NCOA2: variants seen among roughly 807,000 people sequenced by gnomAD.
NCOA2 encodes the protein class E basic helix-loop-helix protein 75.
NCOA2 carries 21 observed loss-of-function variants against 145.1 expected under a neutral mutation model. The ratio of observed to expected loss-of-function variants is 0.14; its 90% confidence interval spans 0.10 to 0.21. NCOA2 has a LOEUF of 0.21. Ranked by LOEUF, NCOA2 falls within the 10% of genes least tolerant of loss-of-function variation. The pLI, the probability that NCOA2 is intolerant of heterozygous loss-of-function variation, is 1.00. For missense variants in NCOA2, 1,472 were observed against 1,837.6 expected, an observed-to-expected ratio of 0.80 and a Z score of 3.64; for synonymous variants, 619 against 637.5, an observed-to-expected ratio of 0.97 and a Z score of 0.44.
chr8:70,350,529 C>T (rs1013141267), intron 1 of NCOA2, among the ~76,000 whole-genome samples: 5 of 152,178 alleles, frequency 3.3e-5, no homozygotes, highest in African/African-American at 1.2e-4. Flanking sequence ...TGACAGTTCA[C>T]AACTGATGTT....
intron 2 of NCOA2, among the ~76,000 whole-genome samples, chr8:70,240,986 C>T (rs1036476309): frequency 6.6e-6 from 1 of 152,122 alleles, no homozygotes; most frequent in Non-Finnish European, 1.5e-5. Flanking sequence ...GTGAAAGAGG[C>T]TCTTATGTCC....
At chr8:70,409,540 C>T in the NCOA2 span, among the ~76,000 whole-genome samples, 4 of 152,186 alleles carry the variant, frequency 2.6e-5, no homozygotes, top group Non-Finnish European at 4.4e-5. Flanking sequence ...AGAATGAATT[C>T]AAGATGGATC....
chr8:70,321,548 A>G (rs1408486502), intron 1 of NCOA2, among the ~76,000 whole-genome samples: 5 of 152,040 alleles, frequency 3.3e-5, no homozygotes, highest in Non-Finnish European at 7.4e-5. Context: ...TTGAAAAAGA[A>G]ATTATTTATC....
chr8:70,144,902 T>C, intron 12 of NCOA2, 54 bp from the exon 13 acceptor site: 2 of 1,463,292 alleles, frequency 1.4e-6, no homozygotes, highest in Non-Finnish European at 1.9e-6. Context: ...TGGAAAATAA[T>C]ATTAACAGTA....
rs1325313929 is a variant in NCOA2 at position 70,166,615 on chromosome 8, C to A, written c.681G>T (p.Met227Ile). 6.2e-7 allele frequency: 1 copy of A among 1,613,998 alleles called. No individual in the cohort carries two copies. Residue 227 changes from methionine to isoleucine, a missense_variant, in exon 7 of 23, where the codon ATG becomes ATT. By Grantham distance (10) the Met-to-Ile change is conservative (BLOSUM62 1). Coordinates refer to ENST00000452400, the MANE Select transcript of NCOA2 (RefSeq NM_006540.4). ...NQEAHQKYET[M>I]QCFAVSQPKS... ...TTGGTTGAGAGACAGCGAAGCACTG[C>A]ATAGTTTCATATTTCTGATGAGCTT... is the stretch of plus-strand genomic sequence containing the variant.
chr8:70,251,930 C>T (rs1466675620), intron 2 of NCOA2, among the ~76,000 whole-genome samples: 2 of 152,126 alleles, frequency 1.3e-5, no homozygotes, highest in East Asian at 1.9e-4. Flanking sequence ...GTTCCAGGAC[C>T]TCCCATGGAT....
intron 1 of NCOA2, among the ~76,000 whole-genome samples, chr8:70,395,834 G>C (rs1453433247): frequency 2.6e-5 from 4 of 152,116 alleles, no homozygotes; most frequent in Non-Finnish European, 5.9e-5. Flanking sequence ...AAGGTTTTGG[G>C]TCATATTTCA....
intron 1 of NCOA2, among the ~76,000 whole-genome samples, chr8:70,371,867 G>C (rs1004534311): frequency 6.6e-6 from 1 of 152,142 alleles, no homozygotes; most frequent in Non-Finnish European, 1.5e-5. Flanking sequence ...TTTAAAAACT[G>C]TAAGTTTTTA....
At chr8:70,388,291 A>G (rs1408951657) in intron 1 of NCOA2, among the ~76,000 whole-genome samples, 1 of 152,226 alleles carries the variant, frequency 6.6e-6, no homozygotes, top group Non-Finnish European at 1.5e-5. Context: ...CTCTTATTAA[A>G]GGTATATGTA....
chr8:70,429,948 G>A, the NCOA2 span, among the ~76,000 whole-genome samples: 1 of 152,142 alleles, frequency 6.6e-6, no homozygotes, highest in African/African-American at 2.4e-5. Context: ...TCATGGCTGG[G>A]CTGAAGCGAT....
intron 2 of NCOA2, among the ~76,000 whole-genome samples, chr8:70,281,880 C>G (rs1825910484): frequency 6.6e-6 from 1 of 152,170 alleles, no homozygotes; most frequent in African/African-American, 2.4e-5. Context: ...CTATCACCAC[C>G]AAATGTGGTT....
chr8:70,236,695 A>G (rs564959837), intron 2 of NCOA2, among the ~76,000 whole-genome samples: 1 of 152,346 alleles, frequency 6.6e-6, no homozygotes, highest in East Asian at 1.9e-4. Context: ...CAATAAAAGT[A>G]ATACAAATAA....
At chr8:70,272,625 A>G (rs1301466906) in intron 2 of NCOA2, among the ~76,000 whole-genome samples, 1 of 152,180 alleles carries the variant, frequency 6.6e-6, no homozygotes, top group East Asian at 1.9e-4. Flanking sequence ...AAGGGGAGCA[A>G]GGGGTGTGCA....
chr8:70,306,795 C>T (rs993318596), intron 1 of NCOA2, among the ~76,000 whole-genome samples: 2 of 152,292 alleles, frequency 1.3e-5, no homozygotes, highest in African/African-American at 4.8e-5. Context: ...TGGAGGATTG[C>T]TTGAGCCTGG....
intron 2 of NCOA2, among the ~76,000 whole-genome samples, chr8:70,243,552 T>C (rs2134512584): frequency 6.6e-6 from 1 of 152,140 alleles, no homozygotes; most frequent in African/African-American, 2.4e-5. Context: ...ATTACAAAAG[T>C]CTTGGCTCAT....
At chr8:70,141,109 T>C in intron 14 of NCOA2, 75 bp downstream of exon 14, 1 of 1,418,658 alleles carries the variant, frequency 7.0e-7, no homozygotes, top group Non-Finnish European at 9.7e-7. Flanking sequence ...GAAGCATGTC[T>C]TGAAAGAACT....
intron 4 of NCOA2, among the ~76,000 whole-genome samples, chr8:70,211,885 C>T (rs1586116970): frequency 6.6e-6 from 1 of 151,918 alleles, no homozygotes; most frequent in South Asian, 2.1e-4. Context: ...AAGAATAAGA[C>T]GTGACAGGGT....
At chr8:70,330,970 T>G (rs978961330) in intron 1 of NCOA2, among the ~76,000 whole-genome samples, 1 of 152,152 alleles carries the variant, frequency 6.6e-6, no homozygotes, top group Admixed American at 6.6e-5. Flanking sequence ...AATAAGAACT[T>G]TCAATTAGCT....
intron 1 of NCOA2, chr8:70,357,382 G>T (rs909939075): frequency 1.3e-5 from 2 of 151,652 alleles, no homozygotes; most frequent in African/African-American, 4.9e-5. Context: ...ACAACTAACT[G>T]ATCACAACCA....
Sources: allele counts gnomAD v4.1 joint callset (sites outside exome capture counted in the v4.1 genomes callset), GRCh38; gene constraint gnomAD v4.1.1; transcripts MANE v1.5; gene names NCBI Gene and HGNC (gene_info 2026-07-23, HGNC 2026-07-21).